QTMAN: variants seen among roughly 807,000 people sequenced by gnomAD.
QTMAN encodes queuosine-tRNA mannosyltransferase.
At chr2:144,046,994 G>C in the QTMAN span, among the ~76,000 whole-genome samples, 1 of 152,154 alleles carries the variant, frequency 6.6e-6, no homozygotes, top group Non-Finnish European at 1.5e-5. Flanking sequence ...TTTTGGACCG[G>C]GCGTGGTGGC....
the QTMAN span, among the ~76,000 whole-genome samples, chr2:144,209,466 A>G: frequency 0.013 from 1,976 of 152,360 alleles, 137 homozygotes; most frequent in Admixed American, 0.11. Context: ...TTGTCAATGT[A>G]TCACCCCAAA....
chr2:144,321,191 G>C, the QTMAN span, among the ~76,000 whole-genome samples: 1 of 152,182 alleles, frequency 6.6e-6, no homozygotes, highest in African/African-American at 2.4e-5. Context: ...TCATCTGAAA[G>C]CGTTACCTAT....
At chr2:144,257,364 T>A in the QTMAN span, among the ~76,000 whole-genome samples, 1 of 151,682 alleles carries the variant, frequency 6.6e-6, no homozygotes, top group South Asian at 2.1e-4. Flanking sequence ...ATAGGAAAGG[T>A]TTCTCCAGAA....
the QTMAN span, among the ~76,000 whole-genome samples, chr2:144,258,794 A>C: frequency 6.6e-6 from 1 of 152,192 alleles, no homozygotes; most frequent in African/African-American, 2.4e-5. Flanking sequence ...AAATGGAGAT[A>C]TGTGTTAGTA....
the QTMAN span, among the ~76,000 whole-genome samples, chr2:143,959,619 A>G: frequency 6.6e-6 from 1 of 152,134 alleles, no homozygotes; most frequent in Non-Finnish European, 1.5e-5. Context: ...TTTTGTCATT[A>G]CAGTGATAAT....
At chr2:144,282,701 A>C in the QTMAN span, among the ~76,000 whole-genome samples, 1 of 151,924 alleles carries the variant, frequency 6.6e-6, no homozygotes, top group Non-Finnish European at 1.5e-5. Context: ...GAACTTCTAA[A>C]TCCCTTGGAA....
chr2:144,202,808 G>A, the QTMAN span, among the ~76,000 whole-genome samples: 1 of 152,256 alleles, frequency 6.6e-6, no homozygotes, highest in Non-Finnish European at 1.5e-5. Context: ...CTTGTATCCA[G>A]GGAGCCATAT....
the QTMAN span, among the ~76,000 whole-genome samples, chr2:144,307,176 A>C: frequency 5.3e-5 from 8 of 150,286 alleles, no homozygotes; most frequent in Middle Eastern, 3.4e-3. Context: ...AAAAAAAAAA[A>C]AAAAAAACAA....
the QTMAN span, among the ~76,000 whole-genome samples, chr2:144,193,926 C>T: frequency 1.3e-5 from 2 of 152,082 alleles, no homozygotes; most frequent in Admixed American, 1.3e-4. Flanking sequence ...ATAATATTCC[C>T]TCTATTATTT....
chr2:144,097,616 C>G, the QTMAN span, among the ~76,000 whole-genome samples: 1 of 152,096 alleles, frequency 6.6e-6, no homozygotes, highest in South Asian at 2.1e-4. Context: ...CATGTGCAAC[C>G]ACTGCAATAA....
At chr2:144,248,154 G>A in the QTMAN span, among the ~76,000 whole-genome samples, 1 of 152,102 alleles carries the variant, frequency 6.6e-6, no homozygotes, top group South Asian at 2.1e-4. Flanking sequence ...CAATCTAAAC[G>A]GTCAGCAATA....
chr2:144,064,575 T>C, the QTMAN span, among the ~76,000 whole-genome samples: 1 of 152,200 alleles, frequency 6.6e-6, no homozygotes, highest in Non-Finnish European at 1.5e-5. Context: ...ACTCAAAGTG[T>C]GCTGTGCTCT....
chr2:144,241,472 C>A, the QTMAN span, among the ~76,000 whole-genome samples: 1 of 152,110 alleles, frequency 6.6e-6, no homozygotes, highest in Non-Finnish European at 1.5e-5. Flanking sequence ...ATAATTTAAC[C>A]CTTACAGGTT....
chr2:144,275,743 T>G, the QTMAN span, among the ~76,000 whole-genome samples: 1 of 151,588 alleles, frequency 6.6e-6, no homozygotes, highest in Non-Finnish European at 1.5e-5. Context: ...TCCAACAACC[T>G]ATTCCAATTC....
chr2:144,132,852 T>C, the QTMAN span, among the ~76,000 whole-genome samples: 4 of 151,430 alleles, frequency 2.6e-5, no homozygotes, highest in African/African-American at 7.3e-5. Context: ...CAAAAAGTTG[T>C]AGGTTGTAGT....
the QTMAN span, among the ~76,000 whole-genome samples, chr2:144,026,600 C>A: frequency 6.6e-6 from 1 of 152,150 alleles, no homozygotes; most frequent in Non-Finnish European, 1.5e-5. Flanking sequence ...TGGGGGCTCA[C>A]TGTCAGGTTC....
the QTMAN span, among the ~76,000 whole-genome samples, chr2:144,264,965 T>A: frequency 6.6e-6 from 1 of 152,216 alleles, no homozygotes; most frequent in Non-Finnish European, 1.5e-5. Flanking sequence ...TTGACCTCCA[T>A]ATTAATAACT....
chr2:144,172,761 T>A, the QTMAN span, among the ~76,000 whole-genome samples: 1 of 152,064 alleles, frequency 6.6e-6, no homozygotes, highest in Non-Finnish European at 1.5e-5. Context: ...TTTCACTTGA[T>A]TCTAATTGCC....
At chr2:143,998,298 C>T in the QTMAN span, among the ~76,000 whole-genome samples, 2 of 152,040 alleles carry the variant, frequency 1.3e-5, no homozygotes, top group African/African-American at 4.8e-5. Context: ...GAGTATACAT[C>T]TGAGTAAGAA....
Sources: gnomAD v4.1 joint callset for allele counts (sites outside exome capture counted in the v4.1 genomes callset) on GRCh38, gnomAD v4.1.1 for gene constraint, MANE v1.5 for transcripts, NCBI Gene and HGNC (gene_info 2026-07-23, HGNC 2026-07-21) for gene names.